The following TRARG1 variants were observed in gnomAD, a reference collection of about 807,000 sequenced individuals.
TRARG1 encodes the protein trafficking regulator of GLUT4 (SLC2A4) 1 (gene/pseudogene).
In TRARG1, 16 loss-of-function variants were observed where a neutral mutation model predicts 13.3. That is an observed-to-expected ratio of 1.20 (90% CI 0.81 to 1.83). The LOEUF (loss-of-function observed/expected upper bound fraction) is 1.83, where lower values mean the gene tolerates loss of function less well. TRARG1 is among the 40% of genes most tolerant of loss of function. The pLI is 0.00. For missense variants in TRARG1, 250 were observed against 237.4 expected, an observed-to-expected ratio of 1.05 and a Z score of -0.35; for synonymous variants, 113 against 106.2, an observed-to-expected ratio of 1.06 and a Z score of -0.39.
chr17:1,286,981 C>T (rs1179108449), intron 1 of TRARG1, among the ~76,000 whole-genome samples: 1 of 151,828 alleles, frequency 6.6e-6, no homozygotes, highest in Non-Finnish European at 1.5e-5. Flanking sequence ...GAGAGCAGGG[C>T]CAGGTGGTGA....
chr17:1,283,445 A>G (rs771329274), intron 1 of TRARG1, among the ~76,000 whole-genome samples: 7 of 152,216 alleles, frequency 4.6e-5, no homozygotes, highest in Non-Finnish European at 7.3e-5. Context: ...GCACCCATCT[A>G]AAGTGTATTC....
intron 1 of TRARG1, among the ~76,000 whole-genome samples, chr17:1,282,286 ATATATGTACG>A (rs1456356503): frequency 3.2e-5 from 2 of 63,308 alleles, no homozygotes; most frequent in South Asian, 8.5e-4. Flanking sequence ...GTATATGTAC[ATATATGTACG>A]TATATGTACA....
In TRARG1 at chr17:1,300,697, G is replaced by A. The variant is rs2072149366; in HGVS notation, c.*2433G>A. The A allele has an allele frequency of 6.6e-6, 1 of 152,580 alleles. No homozygotes were observed. The highest frequency in any genetic ancestry group is 2.4e-5 in the African/African-American group (1 of 41,470). The allele number at this position is 152,580 out of a possible 1,614,324, so 9.5% of individuals were successfully genotyped here. On this transcript the variant is annotated 3_prime_UTR_variant, in exon 3 of 3. Coordinates refer to ENST00000333813, the MANE Select transcript of TRARG1 (RefSeq NM_172367.3). ...GAGCAGGAGAAGGGCTTGGGCCCTGGAGGAGAAAGCCATTCTGGACACCAG... is the reference window on the plus strand; with the variant it reads ...GAGCAGGAGAAGGGCTTGGGCCCTGAAGGAGAAAGCCATTCTGGACACCAG...
chr17:1,299,037 C>T lies in TRARG1; in HGVS notation c.*773C>T, dbSNP rs1012710134. ...TCCCAGGATGTCTCCCAGGACAAGCCAGTCTGCCTCTTCCTCCTACTTCTG... is the reference window on the plus strand; with the variant it reads ...TCCCAGGATGTCTCCCAGGACAAGCTAGTCTGCCTCTTCCTCCTACTTCTG... On this transcript the variant is annotated 3_prime_UTR_variant, in exon 3 of 3. Transcript: ENST00000333813. 7 of 152,340 alleles carry T rather than the reference C, an allele frequency of 4.6e-5. No homozygotes were observed. Among genetic ancestry groups the T allele is most frequent in the African/African-American group, 1.7e-4 (7 of 41,464 alleles). 9.4% of individuals were successfully genotyped at this position (152,340 alleles called of 1,614,324 possible).
In TRARG1 at chr17:1,282,034, A is replaced by G. The variant is rs564481150; in HGVS notation, c.387+1646A>G. ...TATGTACATATACATATGTACATAT[A>G]TACACACATATGTACACATATGTAC... On this transcript the variant is annotated intron_variant, in intron 1 of 2. Transcript: ENST00000333813. 1.8e-4 allele frequency among the ~76,000 whole-genome samples: 24 copies of G among 135,134 alleles called. No homozygotes were observed. The East Asian group carries it at 1.9e-3, about 11-fold the overall frequency. 88.7% of individuals were successfully genotyped at this position (135,134 alleles called of 152,430 possible). A position where few individuals can be genotyped will look rare whatever the true frequency, so the allele number is the denominator to read the frequency against.
chr17:1,296,654 G>C (rs941513692), intron 2 of TRARG1, among the ~76,000 whole-genome samples: 1 of 151,988 alleles, frequency 6.6e-6, no homozygotes, highest in African/African-American at 2.4e-5. Context: ...TGGGCTTACA[G>C]GTGCCCACCA....
At chr17:1,295,689 A>AC in intron 2 of TRARG1, 66 bp downstream of exon 2, 1 of 1,505,326 alleles carries the variant, frequency 6.6e-7, no homozygotes, top group Non-Finnish European at 8.9e-7. Flanking sequence ...TCAAGGGTGT[A>AC]CCCAGCCTCA....
chr17:1,291,830 A>G (rs2072071390), intron 1 of TRARG1, among the ~76,000 whole-genome samples: 1 of 152,196 alleles, frequency 6.6e-6, no homozygotes, highest in South Asian at 2.1e-4. Flanking sequence ...CAGCCAGAAT[A>G]AAGCCCTGTG....
At chr17:1,284,570 G>T (rs990414182) in intron 1 of TRARG1, among the ~76,000 whole-genome samples, 1 of 152,240 alleles carries the variant, frequency 6.6e-6, no homozygotes, top group African/African-American at 2.4e-5. Flanking sequence ...AGAGTGGGTT[G>T]TACCGACCAT....
intron 1 of TRARG1, among the ~76,000 whole-genome samples, chr17:1,289,189 T>C (rs1004689281): frequency 4.0e-4 from 1 of 2,480 alleles, no homozygotes; most frequent in Non-Finnish European, 6.8e-4. Flanking sequence ...CTCCGGCTCC[T>C]CATCCCCCAC....
At chr17:1,284,926 C>T (rs541251852) in intron 1 of TRARG1, among the ~76,000 whole-genome samples, 13 of 152,064 alleles carry the variant, frequency 8.5e-5, no homozygotes, top group African/African-American at 2.9e-4. Context: ...GTGATCCACC[C>T]GCCTCGGCCT....
intron 1 of TRARG1, among the ~76,000 whole-genome samples, chr17:1,293,011 G>A (rs2072083616): frequency 1.3e-5 from 2 of 152,090 alleles, no homozygotes; most frequent in Non-Finnish European, 2.9e-5. Flanking sequence ...AAAGAGGCCG[G>A]GCACAGTGAC....
chr17:1,298,143 C>T (rs1005303896), intron 2 of TRARG1, 108 bp from the exon 3 acceptor site: 1 of 1,390,846 alleles, frequency 7.2e-7, no homozygotes. Flanking sequence ...CCCCTTATCC[C>T]TATTACCACT....
At chr17:1,292,054 G>C (rs917967417) in intron 1 of TRARG1, among the ~76,000 whole-genome samples, 2 of 152,162 alleles carry the variant, frequency 1.3e-5, no homozygotes, top group African/African-American at 4.8e-5. Flanking sequence ...TGTAATCCCA[G>C]CTACTTGGGA....
chr17:1,298,749 T>C lies in TRARG1; in HGVS notation c.*485T>C, dbSNP rs1249674466. On this transcript the variant is annotated 3_prime_UTR_variant, in exon 3 of 3. Coordinates refer to ENST00000333813, the MANE Select transcript of TRARG1 (RefSeq NM_172367.3). ...GGAAAGAATGGACTGTTTGCATGCT[T>C]CGTGCCACACGCCCGCGGTGATCCC... 2 of 157,410 alleles carry C rather than the reference T, an allele frequency of 1.3e-5. No homozygotes were observed. The allele number at this position is 157,410 out of a possible 1,614,324, so 9.8% of individuals were successfully genotyped here. A position where few individuals can be genotyped will look rare whatever the true frequency, so the allele number is the denominator to read the frequency against.
In TRARG1 at chr17:1,282,627, C is replaced by T. The variant is rs1034472287; in HGVS notation, c.387+2239C>T. ...CTCGTGATCCACCCACCTCGGCCTCCGAAAGGGCTGGGATTACAGGTGTGA... is the reference window on the plus strand; with the variant it reads ...CTCGTGATCCACCCACCTCGGCCTCTGAAAGGGCTGGGATTACAGGTGTGA... On this transcript the variant is annotated intron_variant, in intron 1 of 2. Transcript: ENST00000333813. Among the ~76,000 whole-genome samples, 3 of 151,814 alleles carry T rather than the reference C, an allele frequency of 2.0e-5. 1 individual carries two copies. The highest frequency in any genetic ancestry group is 7.3e-5 in the African/African-American group (3 of 41,364).
intron 1 of TRARG1, 40 bp from the exon 2 acceptor site, chr17:1,295,451 C>A (rs780004001): frequency 6.4e-7 from 1 of 1,553,924 alleles, no homozygotes; most frequent in South Asian, 1.2e-5. Flanking sequence ...TGACCCACAG[C>A]CTTCCCGGTT....
intron 1 of TRARG1, among the ~76,000 whole-genome samples, chr17:1,284,321 T>C (rs1003188525): frequency 2.0e-5 from 3 of 152,180 alleles, no homozygotes; most frequent in Non-Finnish European, 2.9e-5. Context: ...ACTTTGCATG[T>C]CGTCTTCAAG....
chr17:1,279,996 G>A lies in TRARG1; in HGVS notation c.-6G>A. 1.2e-6 allele frequency: 2 copies of A among 1,607,430 alleles called. No individual in the cohort carries two copies. The highest frequency in any genetic ancestry group is 8.5e-7 in the Non-Finnish European group (1 of 1,176,782). ...GGAGCTGCAGCCGCGCAAGGCCCAG[G>A]CCCCCATGGCCCACCCGGTGCAGTC... On this transcript the variant is annotated 5_prime_UTR_variant, in exon 1 of 3. Transcript: ENST00000333813.
Sources: gnomAD v4.1 joint callset for allele counts (sites outside exome capture counted in the v4.1 genomes callset) on GRCh38, gnomAD v4.1.1 for gene constraint, MANE v1.5 for transcripts, NCBI Gene and HGNC (gene_info 2026-07-23, HGNC 2026-07-21) for gene names.